The following KCNH1 variants were observed in gnomAD, a reference collection of about 807,000 sequenced individuals.
KCNH1 encodes the protein voltage-gated delayed rectifier potassium channel KCNH1.
Under a neutral mutation model 69.2 loss-of-function variants are expected in KCNH1, and 27 were observed. That is an observed-to-expected ratio of 0.39 (90% confidence interval 0.29 to 0.54). The LOEUF is 0.54. Ranked by LOEUF, KCNH1 falls within the 20% of genes least tolerant of loss-of-function variation. The probability of loss-of-function intolerance (pLI) is 0.68; values close to 1 mark genes in which losing one functional copy is unlikely to be tolerated. For synonymous variants in KCNH1, 456 were observed against 487.7 expected (o/e 0.93, Z 0.86); for missense variants, 798 against 1,261.6 (o/e 0.63, Z 5.57).
At chr1:211,067,125 C>A (rs924998947) in intron 5 of KCNH1, among the ~76,000 whole-genome samples, 16 of 152,190 alleles carry the variant, frequency 1.1e-4, no homozygotes, top group Non-Finnish European at 2.4e-4. Flanking sequence ...AGACCAAACC[C>A]AGCAGAGTCA....
chr1:211,048,229 C>T (rs1558582097), intron 5 of KCNH1, among the ~76,000 whole-genome samples: 2 of 152,062 alleles, frequency 1.3e-5, no homozygotes, highest in South Asian at 2.1e-4. Flanking sequence ...TTTACACTGC[C>T]GGTGTGAATG....
chr1:210,845,194 T>C (rs1030602991), intron 7 of KCNH1, among the ~76,000 whole-genome samples: 7 of 151,986 alleles, frequency 4.6e-5, no homozygotes, highest in Non-Finnish European at 8.8e-5. Flanking sequence ...TTCCAATCAA[T>C]AGAAAAAGAG....
chr1:210,959,119 A>T (rs1688246691), intron 6 of KCNH1, among the ~76,000 whole-genome samples: 1 of 151,978 alleles, frequency 6.6e-6, no homozygotes, highest in African/African-American at 2.4e-5. Context: ...CTTTTTGTTG[A>T]TATTGATGTT....
intron 10 of KCNH1, among the ~76,000 whole-genome samples, chr1:210,758,452 CCA>C (rs1435522115): frequency 6.6e-6 from 1 of 152,180 alleles, no homozygotes; most frequent in Non-Finnish European, 1.5e-5. Flanking sequence ...TCTGTGTATG[CCA>C]CTACTGGATG....
intron 10 of KCNH1, among the ~76,000 whole-genome samples, chr1:210,744,239 G>A (rs921650904): frequency 1.3e-5 from 2 of 152,238 alleles, no homozygotes; most frequent in African/African-American, 2.4e-5. Context: ...ACTGACCATC[G>A]GCCCATGTAA....
At chr1:210,776,591 T>C (rs1202759269) in intron 9 of KCNH1, among the ~76,000 whole-genome samples, 1 of 152,120 alleles carries the variant, frequency 6.6e-6, no homozygotes, top group African/African-American at 2.4e-5. Context: ...GAGGATACAA[T>C]GAGAAGTAGG....
rs1211082206 is a variant in KCNH1, at chr1:210,859,717, A to C, written c.1463-55551T>G. 3.3e-6 allele frequency: 4 copies of C among 1,198,120 alleles called. No homozygotes were observed. The African/African-American group carries it at 6.0e-5, about 18-fold the overall frequency. 74.2% of individuals were successfully genotyped at this position (1,198,120 alleles called of 1,614,324 possible). A position where few individuals can be genotyped will look rare whatever the true frequency, so the allele number is the denominator to read the frequency against. ...AAAAGCTGGCAAAATCTGTCCAGAA[A>C]CCTGATTTAAACCTTGGGGTATCTG... On this transcript the variant is annotated intron_variant, in intron 7 of 10. Transcript: ENST00000271751.
chr1:210,743,248 G>A (rs1318364083), intron 10 of KCNH1, among the ~76,000 whole-genome samples: 1 of 152,134 alleles, frequency 6.6e-6, no homozygotes, highest in African/African-American at 2.4e-5. Flanking sequence ...GTTGCTCAGA[G>A]GCTACTAAGT....
intron 6 of KCNH1, among the ~76,000 whole-genome samples, chr1:210,925,956 C>T (rs1249390999): frequency 6.6e-6 from 1 of 152,192 alleles, no homozygotes; most frequent in African/African-American, 2.4e-5. Flanking sequence ...TGGAGGCCAA[C>T]CAACACAAAA....
At chr1:210,986,089 G>C (rs1408370889) in intron 6 of KCNH1, among the ~76,000 whole-genome samples, 1 of 152,116 alleles carries the variant, frequency 6.6e-6, no homozygotes, top group Non-Finnish European at 1.5e-5. Context: ...TGTTTTATCA[G>C]AGACTAGGAT....
intron 5 of KCNH1, among the ~76,000 whole-genome samples, chr1:211,064,380 GA>G (rs1690490594): frequency 6.6e-6 from 1 of 152,120 alleles, no homozygotes; most frequent in Admixed American, 6.6e-5. Context: ...CTAATACGGT[GA>G]AACCCCATCT....
At chr1:211,087,008 G>A (rs1032379395) in intron 4 of KCNH1, among the ~76,000 whole-genome samples, 1 of 152,106 alleles carries the variant, frequency 6.6e-6, no homozygotes, top group African/African-American at 2.4e-5. Context: ...TCCTCAAGTA[G>A]CAGTCACTAA....
chr1:211,026,376 C>CAAAAAAAAAAAAA (rs34132386), intron 5 of KCNH1, among the ~76,000 whole-genome samples: 1 of 72,690 alleles, frequency 1.4e-5, no homozygotes, highest in African/African-American at 4.5e-5. Flanking sequence ...GGAGTATAGA[C>CAAAAAAAAAAAAA]AAAAAAAAAA....
chr1:210,683,684 G>C lies in KCNH1; in HGVS notation c.2567C>G (p.Ala856Gly), dbSNP rs758350552. 1 of 1,614,224 alleles carries C rather than the reference G, an allele frequency of 6.2e-7. No homozygotes were observed. Among genetic ancestry groups the C allele is most frequent in the Admixed American group, 1.7e-5 (1 of 60,032 alleles). The change falls in exon 11 of 11, where the codon GCT (alanine) becomes GGT (glycine). Residue 856 changes from alanine to glycine, a missense_variant. Coordinates refer to ENST00000271751, the MANE Select transcript of KCNH1 (RefSeq NM_172362.3). The surrounding 1 kb of genome is among the most constrained non-coding windows in gnomAD (Gnocchi z 5.7). Reference protein sequence around the residue: ...KSEDWNKVSKAESMETLPERT... With the variant: ...KSEDWNKVSKGESMETLPERT... ...CTCGGGAAGTGTCTCCATCGACTCA[G>C]CCTTGGACACCTTGTTCCAGTCCTC...
intron 7 of KCNH1, among the ~76,000 whole-genome samples, chr1:210,874,449 A>C (rs1489095255): frequency 6.6e-6 from 1 of 152,256 alleles, no homozygotes; most frequent in African/African-American, 2.4e-5. Flanking sequence ...AAATCTGGCA[A>C]ACATGCCATA....
At chr1:210,735,742 G>A (rs529709349) in intron 10 of KCNH1, among the ~76,000 whole-genome samples, 1 of 151,326 alleles carries the variant, frequency 6.6e-6, no homozygotes, top group Admixed American at 6.6e-5. Flanking sequence ...ACAGGTCCAG[G>A]ATACTATACC....
chr1:211,078,584 C>T lies in KCNH1; in HGVS notation c.558+4196G>A, dbSNP rs1329061566. ...TTTGAAACCAATGAGAACAAAGACACAACGTACCAGAATCTCTGGGACACA... is the reference window on the plus strand; with the variant it reads ...TTTGAAACCAATGAGAACAAAGACATAACGTACCAGAATCTCTGGGACACA... On this transcript the variant is annotated intron_variant, in intron 5 of 10. Coordinates refer to ENST00000271751, the MANE Select transcript of KCNH1 (RefSeq NM_172362.3). Among the ~76,000 whole-genome samples the T allele has an allele frequency of 2.6e-5, 4 of 152,256 alleles. No individual in the cohort carries two copies. In the East Asian group the frequency reaches 7.7e-4, roughly 29 times the overall value.
intron 6 of KCNH1, among the ~76,000 whole-genome samples, chr1:210,991,423 T>C (rs1049398073): frequency 4.1e-4 from 63 of 152,048 alleles, no homozygotes; most frequent in Non-Finnish European, 5.9e-5. Flanking sequence ...CGTAGAAGTA[T>C]TGAGTAGAAT....
intron 6 of KCNH1, among the ~76,000 whole-genome samples, chr1:210,971,213 A>G (rs532091982): frequency 1.5e-4 from 23 of 152,162 alleles, no homozygotes; most frequent in South Asian, 4.1e-4. Flanking sequence ...TCAGTCCCCC[A>G]AAGTGCTGAG....
Sources: allele counts gnomAD v4.1 joint callset (sites outside exome capture counted in the v4.1 genomes callset), GRCh38; gene constraint gnomAD v4.1.1; non-coding constraint Gnocchi (gnomAD v3.1); transcripts MANE v1.5; gene names NCBI Gene and HGNC (gene_info 2026-07-23, HGNC 2026-07-21).